Variants in TCF7L1 observed in about 807,000 individuals in gnomAD.
The protein encoded by TCF7L1 is transcription factor 7-like 1.
A neutral mutation model predicts 63.7 loss-of-function variants in TCF7L1; 18 were observed. That is an observed-to-expected ratio of 0.28 (90% CI 0.20 to 0.42). The LOEUF (loss-of-function observed/expected upper bound fraction) is 0.42. Among genes scored for constraint, TCF7L1 ranks in the 10% least tolerant of loss-of-function variants. The probability of loss-of-function intolerance (pLI) is 1.00; values close to 1 mark genes in which losing one functional copy is unlikely to be tolerated. For synonymous variants in TCF7L1, 355 were observed against 340.9 expected (o/e 1.04, Z -0.46); for missense variants, 654 against 779.3 (o/e 0.84, Z 1.91).
intron 10 of TCF7L1, 66 bp from the exon 11 acceptor site, chr2:85,307,576 G>T: frequency 7.3e-7 from 1 of 1,374,746 alleles, no homozygotes; most frequent in South Asian, 1.2e-5. Flanking sequence ...TCTCTGATCT[G>T]GGAGCCCCTG....
intron 3 of TCF7L1, among the ~76,000 whole-genome samples, chr2:85,258,147 A>G (rs1680765379): frequency 6.6e-6 from 1 of 152,150 alleles, no homozygotes; most frequent in Non-Finnish European, 1.5e-5. Context: ...TATCATCATA[A>G]TCAAAACCAC....
intron 3 of TCF7L1, among the ~76,000 whole-genome samples, chr2:85,185,228 G>A (rs1033238186): frequency 1.3e-5 from 2 of 152,076 alleles, no homozygotes; most frequent in Admixed American, 6.5e-5. Context: ...TCTGTGCCAG[G>A]CCAGCGTTTG....
chr2:85,134,111 C>G lies in TCF7L1; in HGVS notation c.313+32C>G, dbSNP rs1254807054. Reference sequence around the variant, plus strand: ...GCCCGCTGGGACAGCCCCCCACTCTCGATTCCCGCTGCGCTCCGCTGCTCA... The same window carrying G: ...GCCCGCTGGGACAGCCCCCCACTCTGGATTCCCGCTGCGCTCCGCTGCTCA... On this transcript the variant is annotated intron_variant, in intron 2 of 11. Coordinates refer to ENST00000282111, the MANE Select transcript of TCF7L1 (RefSeq NM_031283.3). This position sits in a 1 kb window ranked among gnomAD's most constrained non-coding sequence, Gnocchi z 5.0. The G allele has an allele frequency of 1.2e-6, 2 of 1,604,262 alleles. No homozygotes were observed. The highest frequency in any genetic ancestry group is 8.5e-7 in the Non-Finnish European group (1 of 1,176,422).
rs180969266 is a variant in TCF7L1 at position 85,136,639 on chromosome 2, G to C, written c.441+2189G>C. On this transcript the variant is annotated intron_variant, in intron 3 of 11. Transcript: ENST00000282111. ...CTACATCTTGTCTCCCTGGTGACTTGCCCTTACAGAAGTTAGTTCAGTTCC... is the reference window on the plus strand; with the variant it reads ...CTACATCTTGTCTCCCTGGTGACTTCCCCTTACAGAAGTTAGTTCAGTTCC... Among the ~76,000 whole-genome samples, 24 of 152,258 alleles carry C rather than the reference G, an allele frequency of 1.6e-4. No individual in the cohort carries two copies. The East Asian group carries it at 4.3e-3, about 27-fold the overall frequency.
At position 85,303,903 on chromosome 2, in the gene TCF7L1, C is replaced by T. The variant is rs150938300; in HGVS notation, c.667C>T (p.Arg223Trp). The change falls in exon 6 of 12, where the codon CGG becomes TGG. Residue 223 changes from arginine to tryptophan, a missense_variant. By Grantham distance (101) the Arg-to-Trp change is moderately radical. Transcript: ENST00000282111. ...TCTCTCTTTGGAAGCAGGAATCCCC[C>T]GGCCCCCTCACCCATCCGAGCTGTC... ...PEIDPKTGIP[R>W]PPHPSELSPY... 58 of 1,610,954 alleles carry T rather than the reference C, an allele frequency of 3.6e-5. No individual in the cohort carries two copies. The highest frequency in any genetic ancestry group is 3.2e-4 in the South Asian group (29 of 90,756).
intron 3 of TCF7L1, among the ~76,000 whole-genome samples, chr2:85,151,475 A>T (rs545006272): frequency 1.3e-5 from 2 of 152,246 alleles, no homozygotes; most frequent in East Asian, 3.9e-4. Flanking sequence ...TCCATCAGAG[A>T]TACTGATTAT....
chr2:85,238,854 CTG>C (rs1680255542), intron 3 of TCF7L1, among the ~76,000 whole-genome samples: 1 of 151,530 alleles, frequency 6.6e-6, no homozygotes, highest in Admixed American at 6.6e-5. Context: ...GGGTCTTACT[CTG>C]TCGCCCAGAC....
At chr2:85,261,123 GGTGTGTGT>G (rs3223762) in intron 3 of TCF7L1, among the ~76,000 whole-genome samples, 2,768 of 106,738 alleles carry the variant, frequency 0.026, 87 homozygotes, top group African/African-American at 0.081. Flanking sequence ...AATTATTGCT[GGTGTGTGT>G]GTGTGTGTGT....
chr2:85,138,545 A>G (rs189944551), intron 3 of TCF7L1, among the ~76,000 whole-genome samples: 1 of 152,188 alleles, frequency 6.6e-6, no homozygotes, highest in East Asian at 1.9e-4. Flanking sequence ...AGGGCTTTTC[A>G]CATGGAACAA....
Position 85,306,694 on chromosome 2 carries a change from CCT to C in TCF7L1, c.1257+136_1257+137del. The C allele has an allele frequency of 1.3e-6, 1 of 748,282 alleles. No individual in the cohort carries two copies. The highest frequency in any genetic ancestry group is 2.1e-6 in the Non-Finnish European group (1 of 477,758). The allele number at this position is 748,282 out of a possible 1,614,324, so 46.4% of individuals were successfully genotyped here. A position where few individuals can be genotyped will look rare whatever the true frequency, so the allele number is the denominator to read the frequency against. On this transcript the variant is annotated intron_variant, in intron 10 of 11. Transcript: ENST00000282111. This position sits in a 1 kb window ranked among gnomAD's most constrained non-coding sequence, Gnocchi z 4.3. ...TTTATTTTTTGAGACAGAGGCTCAC[CCT>C]GTCACCCAGGCTGGAGTGCATGCAG...
intron 3 of TCF7L1, among the ~76,000 whole-genome samples, chr2:85,281,715 A>G (rs1224650763): frequency 1.3e-5 from 2 of 152,110 alleles, no homozygotes; most frequent in Non-Finnish European, 2.9e-5. Flanking sequence ...CCCACTTCCC[A>G]CCAGGTCTCC....
intron 3 of TCF7L1, among the ~76,000 whole-genome samples, chr2:85,282,254 C>T (rs1390110789): frequency 6.6e-6 from 1 of 152,222 alleles, no homozygotes; most frequent in African/African-American, 2.4e-5. Flanking sequence ...TCCCAAAGTG[C>T]TGGGATTACA....
At chr2:85,248,919 C>A (rs894694949) in intron 3 of TCF7L1, among the ~76,000 whole-genome samples, 4 of 151,974 alleles carry the variant, frequency 2.6e-5, no homozygotes, top group Admixed American at 1.3e-4. Context: ...TCCAGCAACC[C>A]GTGCCTCCTC....
chr2:85,209,308 A>ACAGTTATATGTGAGGTGGTGG (rs2104287353), intron 3 of TCF7L1, among the ~76,000 whole-genome samples: 1 of 152,206 alleles, frequency 6.6e-6, no homozygotes, highest in East Asian at 1.9e-4. Context: ...AACTGTGGAC[A>ACAGTTATATGTGAGGTGGTGG]CAGTTATATG....
At chr2:85,142,806 T>C (rs1677777460) in intron 3 of TCF7L1, among the ~76,000 whole-genome samples, 1 of 152,246 alleles carries the variant, frequency 6.6e-6, no homozygotes, top group South Asian at 2.1e-4. Flanking sequence ...CTGTGCTGTA[T>C]GCACTGCCCA....
chr2:85,272,932 A>G (rs1558652760), intron 3 of TCF7L1, among the ~76,000 whole-genome samples: 2 of 152,260 alleles, frequency 1.3e-5, no homozygotes, highest in Non-Finnish European at 2.9e-5. Flanking sequence ...TTCAAAAGCC[A>G]GTTGCCTTTA....
chr2:85,185,965 T>TA (rs1678912245), intron 3 of TCF7L1, among the ~76,000 whole-genome samples: 1 of 143,946 alleles, frequency 6.9e-6, no homozygotes, highest in African/African-American at 2.7e-5. Context: ...AGGGGATTTT[T>TA]TTTTTTTTTT....
At chr2:85,147,907 T>C (rs1190205202) in intron 3 of TCF7L1, among the ~76,000 whole-genome samples, 4 of 152,208 alleles carry the variant, frequency 2.6e-5, no homozygotes, top group Admixed American at 2.6e-4. Flanking sequence ...GTCAAAAAAA[T>C]ATTAAGTTGG....
Position 85,306,999 on chromosome 2 carries a change from G to A in TCF7L1, c.1257+440G>A, listed in dbSNP as rs1682129911. On this transcript the variant is annotated intron_variant, in intron 10 of 11. Transcript: ENST00000282111. The surrounding 1 kb of genome is among the most constrained non-coding windows in gnomAD (Gnocchi z 4.3). ...TTTATAGAGGACTCTTAAGATCAGG[G>A]AGAAGCCCATACTTCTCTAGAAATA... Among the ~76,000 whole-genome samples, 2 of 152,208 alleles carry A rather than the reference G, an allele frequency of 1.3e-5. No individual in the cohort carries two copies.
Sources: gnomAD v4.1 joint callset for allele counts (sites outside exome capture counted in the v4.1 genomes callset) on GRCh38, gnomAD v4.1.1 for gene constraint, Gnocchi (gnomAD v3.1) non-coding constraint, MANE v1.5 for transcripts, NCBI Gene and HGNC (gene_info 2026-07-23, HGNC 2026-07-21) for gene names.